The following NUP88 variants were observed in gnomAD, a reference collection of about 807,000 sequenced individuals.
NUP88 encodes nucleoporin 88, also known as nuclear pore complex protein Nup88.
NUP88 carries 57 observed loss-of-function variants against 93.9 expected under a neutral mutation model. The ratio of observed to expected loss-of-function variants is 0.61; its 90% CI spans 0.49 to 0.76. NUP88 has a LOEUF of 0.76. Among genes scored for constraint, NUP88 ranks in the 30% least tolerant of loss-of-function variants. The pLI is 0.00. For synonymous variants in NUP88, 346 were observed against 336.8 expected (o/e 1.03, Z -0.30); for missense variants, 911 against 901.0 (o/e 1.01, Z -0.14).
Position 5,385,420 on chromosome 17 carries a change from T to A in NUP88, c.*786A>T. On this transcript the variant is annotated 3_prime_UTR_variant, in exon 17 of 17. Coordinates refer to ENST00000573584, the MANE Select transcript of NUP88 (RefSeq NM_002532.6). ...TTTACCTCTTACCTGTAACCTACCT[T>A]ATCATGTGGCTTTTAATTGACAGTC... 1 of 227,022 alleles carries A rather than the reference T, an allele frequency of 4.4e-6. No individual in the cohort carries two copies. Among genetic ancestry groups the A allele is most frequent in the African/African-American group, 2.3e-5 (1 of 44,174 alleles). 14.1% of individuals were successfully genotyped at this position (227,022 alleles called of 1,614,324 possible).
chr17:5,399,663 T>C lies in NUP88; in HGVS notation c.1193-13A>G. ...GGACACTTGGGATCTGCAAATGGAA[T>C]GATTAATGATACAAAGGTAGCCAGT... is the stretch of plus-strand genomic sequence containing the variant. On this transcript the variant is annotated splice_polypyrimidine_tract_variant and intron_variant, in intron 7 of 16. Coordinates refer to ENST00000573584, the MANE Select transcript of NUP88 (RefSeq NM_002532.6). 1 of 1,447,912 alleles carries C rather than the reference T, an allele frequency of 6.9e-7. No individual in the cohort carries two copies. The highest frequency in any genetic ancestry group is 9.6e-7 in the Non-Finnish European group (1 of 1,036,606). The allele number at this position is 1,447,912 out of a possible 1,614,324, so 89.7% of individuals were successfully genotyped here. A position where few individuals can be genotyped will look rare whatever the true frequency, so the allele number is the denominator to read the frequency against.
chr17:5,391,787 C>T (rs1912453364), intron 9 of NUP88, 125 bp from the exon 10 acceptor site: 13 of 692,628 alleles, frequency 1.9e-5, no homozygotes, highest in South Asian at 1.3e-4. Flanking sequence ...CCTATCAGTA[C>T]CATAACCTCA....
chr17:5,400,728 T>C (rs1479130916), intron 7 of NUP88, among the ~76,000 whole-genome samples: 2 of 152,220 alleles, frequency 1.3e-5, no homozygotes, highest in African/African-American at 4.8e-5. Context: ...AATGCACTTC[T>C]ACAGCATAGT....
intron 1 of NUP88, among the ~76,000 whole-genome samples, chr17:5,417,340 G>A (rs1597333371): frequency 6.6e-6 from 1 of 152,108 alleles, no homozygotes; most frequent in African/African-American, 2.4e-5. Context: ...GGTGGCACAT[G>A]CCTGTAGTCC....
intron 10 of NUP88, 144 bp from the exon 11 acceptor site, chr17:5,389,104 CT>C: frequency 1.6e-6 from 1 of 606,790 alleles, no homozygotes. Flanking sequence ...TGTTTTCCAC[CT>C]TGAAAAGGTC....
At chr17:5,397,716 T>C (rs1912865106) in intron 8 of NUP88, among the ~76,000 whole-genome samples, 1 of 150,788 alleles carries the variant, frequency 6.6e-6, no homozygotes, top group South Asian at 2.2e-4. Flanking sequence ...CAATAACGGA[T>C]TCAGTCTTTT....
chr17:5,403,658 T>TCAACAA (rs55871021), intron 7 of NUP88, among the ~76,000 whole-genome samples: 64,366 of 150,244 alleles, frequency 0.43, 14,457 homozygotes, highest in East Asian at 0.83. Flanking sequence ...AGACACCATC[T>TCAACAA]CAACAACAAC....
intron 11 of NUP88, 182 bp from the exon 12 acceptor site, chr17:5,388,086 C>CAGG: frequency 2.1e-6 from 1 of 474,936 alleles, no homozygotes; most frequent in Non-Finnish European, 3.6e-6. Context: ...CTGCAACCTC[C>CAGG]ACCTCCCAGG....
chr17:5,416,481 T>C (rs374219082), intron 2 of NUP88, 32 bp downstream of exon 2: 6 of 1,466,514 alleles, frequency 4.1e-6, no homozygotes. Context: ...GTATATATAA[T>C]AAATTATACA....
At chr17:5,417,745 A>T (rs113179099) in intron 1 of NUP88, among the ~76,000 whole-genome samples, 1 of 151,676 alleles carries the variant, frequency 6.6e-6, no homozygotes, top group African/African-American at 2.4e-5. Flanking sequence ...AGGCTGAGGC[A>T]GGAGAATCGC....
intron 1 of NUP88, 102 bp downstream of exon 1, chr17:5,419,252 G>C: frequency 7.5e-7 from 1 of 1,328,088 alleles, no homozygotes. Flanking sequence ...CAATCCGCTG[G>C]AACGCCTGCC....
chr17:5,394,014 G>C (rs542217101), intron 9 of NUP88, among the ~76,000 whole-genome samples: 2 of 152,306 alleles, frequency 1.3e-5, no homozygotes, highest in East Asian at 1.9e-4. Flanking sequence ...GGACACAGGA[G>C]AGAGAGCAGA....
intron 11 of NUP88, chr17:5,388,447 A>G: frequency 6.6e-6 from 1 of 150,902 alleles, no homozygotes; most frequent in Non-Finnish European, 1.4e-5. Context: ...CACCACACCC[A>G]GCTAATTTTT....
In NUP88 at chr17:5,410,691, A is replaced by G. The variant is rs1171025786; in HGVS notation, c.680+12T>C. The G allele has an allele frequency of 6.6e-7, 1 of 1,517,460 alleles. No homozygotes were observed. The highest frequency in any genetic ancestry group is 1.4e-5 in the African/African-American group (1 of 71,854). 94.0% of individuals were successfully genotyped at this position (1,517,460 alleles called of 1,614,324 possible). A position where few individuals can be genotyped will look rare whatever the true frequency, so the allele number is the denominator to read the frequency against. On this transcript the variant is annotated intron_variant, in intron 4 of 16. Coordinates refer to ENST00000573584, the MANE Select transcript of NUP88 (RefSeq NM_002532.6). ...ATTAAAAAACCATTTCAAGACTCAA[A>G]TAAAAACTTACCCTTTATTGAGTAC...
At chr17:5,389,893 C>T (rs141250705) in intron 10 of NUP88, among the ~76,000 whole-genome samples, 2,500 of 147,050 alleles carry the variant, frequency 0.017, 62 homozygotes, top group African/African-American at 0.059. Flanking sequence ...TGGCCTGGCA[C>T]GGTGGCTCAT....
At chr17:5,404,040 A>G (rs572332962) in intron 7 of NUP88, 59 bp downstream of exon 7, 4 of 1,519,758 alleles carry the variant, frequency 2.6e-6, no homozygotes, top group Non-Finnish European at 3.6e-6. Context: ...GGAACAGTCT[A>G]TGATAGTCTT....
intron 4 of NUP88, 100 bp from the exon 5 acceptor site, chr17:5,409,009 A>G: frequency 1.0e-6 from 1 of 968,866 alleles, no homozygotes; most frequent in Non-Finnish European, 1.5e-6. Flanking sequence ...TAATAACAGG[A>G]GGTGGGTATG....
At chr17:5,411,791 T>A (rs567547620) in intron 3 of NUP88, among the ~76,000 whole-genome samples, 1 of 152,312 alleles carries the variant, frequency 6.6e-6, no homozygotes, top group East Asian at 1.9e-4. Context: ...ATCACTTATT[T>A]TGTCTGACGC....
intron 15 of NUP88, 35 bp from the exon 16 acceptor site, chr17:5,386,861 G>A (rs2144757097): frequency 1.3e-6 from 2 of 1,583,250 alleles, no homozygotes; most frequent in African/African-American, 1.3e-5. Context: ...TTTGGCAGTG[G>A]TTTGCCACAC....
Sources: allele counts gnomAD v4.1 joint callset (sites outside exome capture counted in the v4.1 genomes callset), GRCh38; gene constraint gnomAD v4.1.1; transcripts MANE v1.5; gene names NCBI Gene and HGNC (gene_info 2026-07-23, HGNC 2026-07-21).